BAP1: variants seen among roughly 807,000 people sequenced by gnomAD.
The protein encoded by BAP1 is ubiquitin carboxyl-terminal hydrolase BAP1.
Under a neutral mutation model 77.2 loss-of-function variants are expected in BAP1, and 16 were observed. That is an observed-to-expected ratio of 0.21 (90% CI 0.14 to 0.31). BAP1 has a LOEUF of 0.31. Ranked by LOEUF, BAP1 falls within the 10% of genes least tolerant of loss-of-function variation. BAP1 has a pLI of 1.00. For missense variants in BAP1, 699 were observed against 967.3 expected (o/e 0.72, Z 3.68); for synonymous variants, 362 against 385.2 (o/e 0.94, Z 0.71).
Position 52,401,278 on chromosome 3 carries a change from C to T in BAP1, c.*1010G>A, listed in dbSNP as rs897839273. Reference sequence around the variant, plus strand: ...TCAGGTCCTCTGGAACACAGGGGCTCCAACGGGTTGTCTTGATCCTGCTGT... The same window carrying T: ...TCAGGTCCTCTGGAACACAGGGGCTTCAACGGGTTGTCTTGATCCTGCTGT... On this transcript the variant is annotated 3_prime_UTR_variant, in exon 17 of 17. Transcript: ENST00000460680. The T allele has an allele frequency of 1.3e-5, 3 of 233,340 alleles. No homozygotes were observed. Among genetic ancestry groups the T allele is most frequent in the African/African-American group, 6.6e-5 (3 of 45,360 alleles). 14.5% of individuals were successfully genotyped at this position (233,340 alleles called of 1,614,324 possible).
rs138166986 is a variant in BAP1 at position 52,408,122 on chromosome 3, C to T, written c.256-45G>A. ...CACCCATACACAGCACCCCTCACTG[C>T]AAGCCCCAAGCCCATATACATCAAG... is the stretch of plus-strand genomic sequence containing the variant. On this transcript the variant is annotated intron_variant, in intron 4 of 16. Transcript: ENST00000460680. 5.8e-5 allele frequency: 91 copies of T among 1,567,762 alleles called. 1 individual carries two copies. The East Asian group carries it at 1.6e-3, about 27-fold the overall frequency.
In BAP1 at chr3:52,403,180, C is replaced by T. The variant is rs757559034; in HGVS notation, c.1848G>A (p.Val616=). The change falls in exon 14 of 17, where the codon GTG becomes GTA. Residue 616 remains valine, a synonymous_variant. Coordinates refer to ENST00000460680, the MANE Select transcript of BAP1 (RefSeq NM_004656.4). This position sits in a 1 kb window ranked among gnomAD's most constrained non-coding sequence, Gnocchi z 4.0. Reference sequence around the variant, plus strand: ...CCCCACTCAAGGGCTCGCCAGGCCTCACCATCCCCGTCTTCTCTCTGCTGT... The same window carrying T: ...CCCCACTCAAGGGCTCGCCAGGCCTTACCATCCCCGTCTTCTCTCTGCTGT... ...ATDSREKTGM[V]RPGEPLSGEK... 6.2e-7 allele frequency: 1 copy of T among 1,614,158 alleles called. No individual in the cohort carries two copies. The highest frequency in any genetic ancestry group is 1.1e-5 in the South Asian group (1 of 91,080).
At position 52,408,168 on chromosome 3, in the gene BAP1, C is replaced by T. The variant is rs1220398992; in HGVS notation, c.256-91G>A. The T allele has an allele frequency of 3.2e-6, 5 of 1,542,584 alleles. No individual in the cohort carries two copies. The Middle Eastern group carries it at 6.7e-4, about 206-fold the overall frequency. On this transcript the variant is annotated intron_variant, in intron 4 of 16. Coordinates refer to ENST00000460680, the MANE Select transcript of BAP1 (RefSeq NM_004656.4). ...TCAAGAATGGGGATCCAGAGCAGGT[C>T]AGTCATATCTGGACAACTCCCCTTC...
At position 52,401,522 on chromosome 3, in the gene BAP1, G is replaced by A. The variant is rs552163608; in HGVS notation, c.*766C>T. ...TAGCTAGGGCCACAACACTGAAGGC[G>A]AAGAGCCCTAGAACCTTGCTATGGA... is the stretch of plus-strand genomic sequence containing the variant. On this transcript the variant is annotated 3_prime_UTR_variant, in exon 17 of 17. Coordinates refer to ENST00000460680, the MANE Select transcript of BAP1 (RefSeq NM_004656.4). 31 of 233,796 alleles carry A rather than the reference G, an allele frequency of 1.3e-4. No homozygotes were observed. Among genetic ancestry groups the A allele is most frequent in the African/African-American group, 6.6e-4 (30 of 45,466 alleles). 14.5% of individuals were successfully genotyped at this position (233,796 alleles called of 1,614,324 possible).
At position 52,406,688 on chromosome 3, in the gene BAP1, GT is replaced by G; in HGVS notation, c.659+140del. On this transcript the variant is annotated intron_variant, in intron 8 of 16. Coordinates refer to ENST00000460680, the MANE Select transcript of BAP1 (RefSeq NM_004656.4). The surrounding 1 kb of genome is among the most constrained non-coding windows in gnomAD (Gnocchi z 4.6). ...GCCCAGGCAGGAAATAAGACAACAA[GT>G]TGAGAACCCATGATCTAAGCCTGAT... 9.3e-7 allele frequency: 1 copy of G among 1,075,506 alleles called. No individual in the cohort carries two copies. The highest frequency in any genetic ancestry group is 1.4e-6 in the Non-Finnish European group (1 of 735,234). 66.6% of individuals were successfully genotyped at this position (1,075,506 alleles called of 1,614,324 possible).
chr3:52,405,424 G>A, intron 10 of BAP1, 130 bp from the exon 11 acceptor site: 1 of 854,634 alleles, frequency 1.2e-6, no homozygotes, highest in Admixed American at 2.4e-5. Flanking sequence ...ATGGGAGTCA[G>A]CAAGCTCTAA....
Position 52,402,278 on chromosome 3 carries a change from C to T in BAP1, c.*10G>A. On this transcript the variant is annotated 3_prime_UTR_variant, in exon 17 of 17. Coordinates refer to ENST00000460680, the MANE Select transcript of BAP1 (RefSeq NM_004656.4). This position sits in a 1 kb window ranked among gnomAD's most constrained non-coding sequence, Gnocchi z 5.3. ...GCAAGAGTGGGCTGCAGAGTCAGGG[C>T]CAGCAGTCCTCACTGGCGCTTGGCC... 6.2e-7 allele frequency: 1 copy of T among 1,600,550 alleles called. No homozygotes were observed. Among genetic ancestry groups the T allele is most frequent in the Non-Finnish European group, 8.5e-7 (1 of 1,175,264 alleles).
chr3:52,405,731 T>C, intron 10 of BAP1, 34 bp downstream of exon 10: 1 of 1,611,674 alleles, frequency 6.2e-7, no homozygotes, highest in Non-Finnish European at 8.5e-7. Context: ...CGGGTGGCTC[T>C]GAGGTCCACA....
rs2153226987 is a variant in BAP1, at chr3:52,405,111, T to C, written c.1115A>G (p.Gln372Arg). The C allele has an allele frequency of 6.2e-7, 1 of 1,614,100 alleles. No individual in the cohort carries two copies. The highest frequency in any genetic ancestry group is 8.5e-7 in the Non-Finnish European group (1 of 1,180,010). The change falls in exon 11 of 17, where the codon CAG becomes CGG. Residue 372 changes from glutamine to arginine, a missense_variant and splice_region_variant. Physicochemically the swap from Gln to Arg is conservative, Grantham distance 43. Transcript: ENST00000460680. ...DNHNYAKSPMQEEEDLAAGVG... is the reference protein window; with the variant it reads ...DNHNYAKSPMREEEDLAAGVG... ...CCTGCAAGGGTGCTCCCAGCTTACC[T>C]GCATGGGGGACTTGGCATAATTGTG...
rs1578224865 is a variant in BAP1 at position 52,406,190 on chromosome 3, G to C, written c.783+63C>G. On this transcript the variant is annotated intron_variant, in intron 9 of 16. Coordinates refer to ENST00000460680, the MANE Select transcript of BAP1 (RefSeq NM_004656.4). This position sits in a 1 kb window ranked among gnomAD's most constrained non-coding sequence, Gnocchi z 4.6. Reference sequence around the variant, plus strand: ...ACGAATCAGAGACAAATGCTGTGGGGGAAGGGAGGAGGAATGCAGGGAGGG... The same window carrying C: ...ACGAATCAGAGACAAATGCTGTGGGCGAAGGGAGGAGGAATGCAGGGAGGG... 1.2e-6 allele frequency: 2 copies of C among 1,612,156 alleles called. No individual in the cohort carries two copies. Among genetic ancestry groups the C allele is most frequent in the Non-Finnish European group, 1.7e-6 (2 of 1,179,308 alleles).
Position 52,403,485 on chromosome 3 carries a change from C to G in BAP1, c.1660G>C (p.Gly554Arg), listed in dbSNP as rs1578220332. The change falls in exon 13 of 17, where the codon GGT becomes CGT. Residue 554 changes from glycine to arginine, a missense_variant. By Grantham distance (125) the Gly-to-Arg change is moderately radical (BLOSUM62 -2). Coordinates refer to ENST00000460680, the MANE Select transcript of BAP1 (RefSeq NM_004656.4). The surrounding 1 kb of genome is among the most constrained non-coding windows in gnomAD (Gnocchi z 4.0). ...IRYNRAVRDL[G>R]PVISTGLLHL... is the part of the protein sequence containing the mutation. ...AGCAGGCCTGTGCTGATGACAGGAC[C>G]CAGATCACGGACAGCACGGTTGTAG... 2 of 1,613,866 alleles carry G rather than the reference C, an allele frequency of 1.2e-6. No homozygotes were observed. The highest frequency in any genetic ancestry group is 2.7e-5 in the African/African-American group (2 of 74,904).
rs1158963808 is a variant in BAP1 at position 52,402,201 on chromosome 3, T to C, written c.*87A>G. On this transcript the variant is annotated 3_prime_UTR_variant, in exon 17 of 17. Coordinates refer to ENST00000460680, the MANE Select transcript of BAP1 (RefSeq NM_004656.4). The surrounding 1 kb of genome is among the most constrained non-coding windows in gnomAD (Gnocchi z 5.3). Reference sequence around the variant, plus strand: ...CTCTCCAGCTGGGACTATTCAGTAATACTGGGAAAAGGGGAAGTGGGGCAG... The same window carrying C: ...CTCTCCAGCTGGGACTATTCAGTAACACTGGGAAAAGGGGAAGTGGGGCAG... 5.2e-6 allele frequency: 8 copies of C among 1,541,574 alleles called. No homozygotes were observed. The highest frequency in any genetic ancestry group is 7.0e-6 in the Non-Finnish European group (8 of 1,143,868).
At position 52,403,745 on chromosome 3, in the gene BAP1, G is replaced by C. The variant is rs1268207501; in HGVS notation, c.1400C>G (p.Thr467Ser). The C allele has an allele frequency of 6.2e-7, 1 of 1,614,102 alleles. No individual in the cohort carries two copies. Among genetic ancestry groups the C allele is most frequent in the Non-Finnish European group, 8.5e-7 (1 of 1,180,034 alleles). Residue 467 changes from threonine to serine, a missense_variant, in exon 13 of 17, where the codon ACT becomes AGT. By Grantham distance (58) the Thr-to-Ser change is moderately conservative (BLOSUM62 1). Coordinates refer to ENST00000460680, the MANE Select transcript of BAP1 (RefSeq NM_004656.4). The surrounding 1 kb of genome is among the most constrained non-coding windows in gnomAD (Gnocchi z 4.0). Reference protein sequence around the residue: ...KDLSIPLSIKTSSGAGSPAVA... With the variant: ...KDLSIPLSIKSSSGAGSPAVA... ...AGCCGGACTCCCAGCCCCGCTGCTA[G>C]TCTTGATGGACAGAGGAATTGAGAG...
chr3:52,405,190 C>A lies in BAP1; in HGVS notation c.1036G>T (p.Val346Phe), dbSNP rs1705109194. The A allele has an allele frequency of 6.2e-7, 1 of 1,614,094 alleles. No homozygotes were observed. The highest frequency in any genetic ancestry group is 8.5e-7 in the Non-Finnish European group (1 of 1,180,034). ...ACAATGGGAGTGGGGTTGGGGTGAACCCCATTGAGGCTGCTGCCTGGAGGC... is the reference window on the plus strand; with the variant it reads ...ACAATGGGAGTGGGGTTGGGGTGAAACCCATTGAGGCTGCTGCCTGGAGGC... ...VKPPGSSLNG[V>F]HPNPTPIVQR... The change falls in exon 11 of 17, where the codon GTT (valine) becomes TTT (phenylalanine). Residue 346 changes from valine (V) to phenylalanine (F), a missense_variant. By Grantham distance (50) the Val-to-Phe change is conservative. Around this residue, in one of 3 missense-constraint regions of BAP1, gnomAD observed 475 missense variants for 532.4 expected, o/e 0.89. Transcript: ENST00000460680.
rs898053324 is a variant in BAP1, at chr3:52,401,027, G to A, written c.*1261C>T. The stretch of plus-strand genomic sequence containing the variant: ...GGTTCATTTCTCAGGAGATTCTTAG[G>A]AGAGTTTTATTCATTCATTGATCCA... On this transcript the variant is annotated 3_prime_UTR_variant, in exon 17 of 17. Coordinates refer to ENST00000460680, the MANE Select transcript of BAP1 (RefSeq NM_004656.4). 8.8e-6 allele frequency: 2 copies of A among 228,260 alleles called. No individual in the cohort carries two copies. Among genetic ancestry groups the A allele is most frequent in the Admixed American group, 5.5e-5 (1 of 18,334 alleles). The allele number at this position is 228,260 out of a possible 1,614,324, so 14.1% of individuals were successfully genotyped here. A position where few individuals can be genotyped will look rare whatever the true frequency, so the allele number is the denominator to read the frequency against.
At position 52,403,374 on chromosome 3, in the gene BAP1, CCTGGGTGCACCAAGTGGCCAGTGAG is replaced by C. The variant is rs777810659; in HGVS notation, c.1729+17_1729+41del. 4 of 1,612,214 alleles carry C rather than the reference CCTGGGTGCACCAAGTGGCCAGTGAG, an allele frequency of 2.5e-6. No homozygotes were observed. In the South Asian group the frequency reaches 4.4e-5, roughly 18 times the overall value. Reference sequence around the variant, plus strand: ...TCACTTGGCCACTTCCCTCCTCCCTCCTGGGTGCACCAAGTGGCCAGTGAGCCAGTCCAAGGCCCACCTGTCAGCG... The same window carrying C: ...TCACTTGGCCACTTCCCTCCTCCCTCCCAGTCCAAGGCCCACCTGTCAGCG... On this transcript the variant is annotated intron_variant, in intron 13 of 16. Coordinates refer to ENST00000460680, the MANE Select transcript of BAP1 (RefSeq NM_004656.4). The surrounding 1 kb of genome is among the most constrained non-coding windows in gnomAD (Gnocchi z 4.0).
At chr3:52,408,725 C>G (rs1242001828) in intron 3 of BAP1, 119 bp from the exon 4 acceptor site, 1 of 1,280,256 alleles carries the variant, frequency 7.8e-7, no homozygotes, top group Non-Finnish European at 1.1e-6. Flanking sequence ...TGCTGTGATC[C>G]CCCCTCTCCC....
chr3:52,408,653 C>T (rs1705244126), intron 3 of BAP1, 47 bp from the exon 4 acceptor site: 1 of 1,583,508 alleles, frequency 6.3e-7, no homozygotes, highest in South Asian at 1.1e-5. Flanking sequence ...GGGGAGAAGA[C>T]AATCAGCATT....
In BAP1 at chr3:52,403,312, T is replaced by C; in HGVS notation, c.1730-14A>G. 6.2e-7 allele frequency: 1 copy of C among 1,613,134 alleles called. No individual in the cohort carries two copies. The highest frequency in any genetic ancestry group is 8.5e-7 in the Non-Finnish European group (1 of 1,179,906). On this transcript the variant is annotated splice_polypyrimidine_tract_variant and intron_variant, in intron 13 of 16. Coordinates refer to ENST00000460680, the MANE Select transcript of BAP1 (RefSeq NM_004656.4). The surrounding 1 kb of genome is among the most constrained non-coding windows in gnomAD (Gnocchi z 4.0). The stretch of plus-strand genomic sequence containing the variant: ...CCTTCCCACCCTCTGGGAAGAGAGG[T>C]CACAAGAAAATCATCAGAGTGCAGG...
Sources: allele counts gnomAD v4.1 joint callset, GRCh38; gene constraint gnomAD v4.1.1; regional missense constraint gnomAD v4.1.1; non-coding constraint Gnocchi (gnomAD v3.1); transcripts MANE v1.5; gene names NCBI Gene and HGNC (gene_info 2026-07-23, HGNC 2026-07-21).